Variants in SIPA1L1 observed in about 807,000 individuals in gnomAD.
SIPA1L1 encodes signal-induced proliferation-associated 1-like protein 1.
A neutral mutation model predicts 162.7 loss-of-function variants in SIPA1L1; 26 were observed. That is an observed-to-expected ratio of 0.16 (90% CI 0.12 to 0.22). The LOEUF is 0.22. Among genes scored for constraint, SIPA1L1 ranks in the 10% least tolerant of loss-of-function variants. The probability of loss-of-function intolerance (pLI) is 1.00; values close to 1 mark genes in which losing one functional copy is unlikely to be tolerated. For missense variants in SIPA1L1, 1,874 were observed against 2,241.0 expected, an observed-to-expected ratio of 0.84 and a Z score of 3.31; for synonymous variants, 829 against 837.4, an observed-to-expected ratio of 0.99 and a Z score of 0.17.
intron 2 of SIPA1L1, among the ~76,000 whole-genome samples, chr14:71,420,213 G>A (rs530538697): frequency 1.2e-4 from 19 of 152,232 alleles, no homozygotes; most frequent in African/African-American, 2.6e-4. Context: ...ATGCCTCCTC[G>A]TAATCAAGTT....
Position 71,723,987 on chromosome 14 carries a change from G to T in SIPA1L1, c.4448+101G>T. ...CTTACAACAAAAGAGGCCGGGCTAG[G>T]GGGTTGGCAGGAGTTGGTCTGTTGG... is the stretch of plus-strand genomic sequence containing the variant. On this transcript the variant is annotated intron_variant, in intron 18 of 23. Coordinates refer to ENST00000381232, the MANE Select transcript of SIPA1L1 (RefSeq NM_001386936.1). The T allele has an allele frequency of 4.3e-6, 6 of 1,402,192 alleles. No homozygotes were observed. The South Asian group carries it at 6.6e-5, about 16-fold the overall frequency. 86.9% of individuals were successfully genotyped at this position (1,402,192 alleles called of 1,614,324 possible). A position where few individuals can be genotyped will look rare whatever the true frequency, so the allele number is the denominator to read the frequency against.
chr14:71,510,036 A>T (rs2050995511), intron 2 of SIPA1L1, among the ~76,000 whole-genome samples: 1 of 152,144 alleles, frequency 6.6e-6, no homozygotes, highest in South Asian at 2.1e-4. Flanking sequence ...CTGGAGCCTA[A>T]TGCAGAAGCT....
chr14:71,689,629 T>A (rs1392289193), intron 13 of SIPA1L1, among the ~76,000 whole-genome samples: 4 of 152,378 alleles, frequency 2.6e-5, no homozygotes, highest in Admixed American at 2.0e-4. Flanking sequence ...CATCTTAGCA[T>A]GTAAAATGAT....
intron 13 of SIPA1L1, among the ~76,000 whole-genome samples, chr14:71,690,477 G>A (rs895132025): frequency 1.3e-5 from 2 of 151,972 alleles, no homozygotes; most frequent in Non-Finnish European, 2.9e-5. Flanking sequence ...TAAACTCTTA[G>A]CCTCAAGTGA....
intron 4 of SIPA1L1, among the ~76,000 whole-genome samples, chr14:71,544,266 T>C (rs1567181882): frequency 6.5e-5 from 7 of 107,156 alleles, no homozygotes; most frequent in Admixed American, 4.6e-4. Flanking sequence ...ACACATGATA[T>C]GTGTATATAC....
At chr14:71,490,103 T>A (rs2049118530) in intron 2 of SIPA1L1, among the ~76,000 whole-genome samples, 6 of 152,172 alleles carry the variant, frequency 3.9e-5, no homozygotes, top group South Asian at 2.1e-4. Context: ...ATCAGAGAAG[T>A]GAACATATAT....
At position 71,483,782 on chromosome 14, in the gene SIPA1L1, G is replaced by A. The variant is rs1486182496; in HGVS notation, c.-464-28961G>A. Among the ~76,000 whole-genome samples, 3 of 152,286 alleles carry A rather than the reference G, an allele frequency of 2.0e-5. No individual in the cohort carries two copies. The East Asian group carries it at 5.8e-4, about 29-fold the overall frequency. ...CTGGAGAAAGTTCAGGAGTCTTCAT[G>A]TGGCCTTCAAGCCTTGTGATGGGAA... On this transcript the variant is annotated intron_variant, in intron 2 of 23. Transcript: ENST00000381232.
rs1462884506 is a variant in SIPA1L1 at position 71,580,828 on chromosome 14, A to C, written c.-302-6743A>C. ...CAACAGAAAGATGGCTTTTTTTCTCATAAGTTTTGTTTCTGATTATGAAGG... is the reference window on the plus strand; with the variant it reads ...CAACAGAAAGATGGCTTTTTTTCTCCTAAGTTTTGTTTCTGATTATGAAGG... On this transcript the variant is annotated intron_variant, in intron 4 of 23. Transcript: ENST00000381232. Among the ~76,000 whole-genome samples the C allele has an allele frequency of 3.9e-5, 6 of 152,262 alleles. No homozygotes were observed. In the East Asian group the frequency reaches 1.2e-3, roughly 29 times the overall value.
intron 2 of SIPA1L1, among the ~76,000 whole-genome samples, 171 bp from the exon 3 acceptor site, chr14:71,512,572 C>T (rs376012945): frequency 2.2e-5 from 3 of 134,380 alleles, no homozygotes; most frequent in East Asian, 2.1e-4. Flanking sequence ...GGCGACAGAG[C>T]GAGACTCTGT....
intron 2 of SIPA1L1, among the ~76,000 whole-genome samples, chr14:71,385,637 A>C (rs1207065335): frequency 6.6e-6 from 1 of 151,396 alleles, no homozygotes; most frequent in Non-Finnish European, 1.5e-5. Context: ...ATCTCAACAT[A>C]TAATACATAT....
chr14:71,540,552 A>T (rs1362131522), intron 4 of SIPA1L1, among the ~76,000 whole-genome samples: 1 of 152,152 alleles, frequency 6.6e-6, no homozygotes, highest in Non-Finnish European at 1.5e-5. Flanking sequence ...AAAACTAAAT[A>T]AAAAGTGCTG....
At chr14:71,449,517 T>C (rs1024314823) in intron 2 of SIPA1L1, among the ~76,000 whole-genome samples, 12 of 152,218 alleles carry the variant, frequency 7.9e-5, no homozygotes, top group African/African-American at 2.7e-4. Context: ...GCTACACATC[T>C]GGTGACAGGG....
At position 71,587,664 on chromosome 14, in the gene SIPA1L1, A is replaced by G; in HGVS notation, c.-209A>G. ...AAAGCCCTCTGTTAAAGTGAAGCAA[A>G]GAAACTGTTGTGGATTATAACGTTT... On this transcript the variant is annotated 5_prime_UTR_variant, in exon 5 of 24. Transcript: ENST00000381232. 2.0e-6 allele frequency: 1 copy of G among 496,530 alleles called. No homozygotes were observed. Among genetic ancestry groups the G allele is most frequent in the Non-Finnish European group, 3.5e-6 (1 of 285,004 alleles). The allele number at this position is 496,530 out of a possible 1,614,324, so 30.8% of individuals were successfully genotyped here.
chr14:71,622,001 A>G (rs1220481995), intron 6 of SIPA1L1, among the ~76,000 whole-genome samples: 1 of 152,224 alleles, frequency 6.6e-6, no homozygotes, highest in African/African-American at 2.4e-5. Flanking sequence ...TCCTGTCTGT[A>G]GCTCCTGCAC....
chr14:71,722,211 G>A (rs2083804176), intron 17 of SIPA1L1, among the ~76,000 whole-genome samples: 1 of 152,200 alleles, frequency 6.6e-6, no homozygotes, highest in South Asian at 2.1e-4. Flanking sequence ...TGACAAGCAG[G>A]TATTGTGATC....
chr14:71,464,500 G>A (rs541484999), intron 2 of SIPA1L1, among the ~76,000 whole-genome samples: 100 of 152,180 alleles, frequency 6.6e-4, no homozygotes, highest in Non-Finnish European at 1.3e-3. Flanking sequence ...AATTAGCCCG[G>A]CCTGGTGGCA....
At chr14:71,397,127 A>G (rs1253906186) in intron 2 of SIPA1L1, among the ~76,000 whole-genome samples, 2 of 152,166 alleles carry the variant, frequency 1.3e-5, no homozygotes, top group African/African-American at 4.8e-5. Context: ...ATTGATAGAA[A>G]TACTGTTTCT....
At chr14:71,416,719 CT>C (rs1408117983) in intron 2 of SIPA1L1, among the ~76,000 whole-genome samples, 1 of 73,936 alleles carries the variant, frequency 1.4e-5, no homozygotes, top group Admixed American at 1.6e-4. Flanking sequence ...AAAGAAAAAT[CT>C]ACACACACAC....
chr14:71,420,721 T>A (rs1296832971), intron 2 of SIPA1L1, among the ~76,000 whole-genome samples: 3 of 151,860 alleles, frequency 2.0e-5, no homozygotes, highest in South Asian at 4.1e-4. Flanking sequence ...TGTCTGTCTT[T>A]CTCCTGCTTT....
Sources: allele counts gnomAD v4.1 joint callset (sites outside exome capture counted in the v4.1 genomes callset), GRCh38; gene constraint gnomAD v4.1.1; transcripts MANE v1.5; gene names NCBI Gene and HGNC (gene_info 2026-07-23, HGNC 2026-07-21).